CSMD1: variants seen among roughly 807,000 people sequenced by gnomAD.
CSMD1 encodes the protein CUB and Sushi multiple domains 1.
A neutral mutation model predicts 417.5 loss-of-function variants in CSMD1; 213 were observed. The observed-to-expected ratio is 0.51, with a 90% CI of 0.46 to 0.57. The LOEUF (loss-of-function observed/expected upper bound fraction) is 0.57. Ranked by LOEUF, CSMD1 falls within the 20% of genes least tolerant of loss-of-function variation. The pLI is 0.00. For synonymous variants in CSMD1, 2,862 were observed against 1,736.8 expected (o/e 1.65, Z -16.11); for missense variants, 6,923 against 4,529.7 (o/e 1.53, Z -15.17).
rs1018419309 is a variant in CSMD1 at position 3,930,170 on chromosome 8, A to G, written c.818+67733T>C. ...AAATAAGCTCTATTCCAGTGAGAAC[A>G]TCAGTTATACTTGCCGTATCTATTA... On this transcript the variant is annotated intron_variant, in intron 5 of 69. Coordinates refer to ENST00000635120, the MANE Select transcript of CSMD1 (RefSeq NM_033225.6). Among the ~76,000 whole-genome samples the G allele has an allele frequency of 2.7e-5, 4 of 150,234 alleles. 1 individual carries two copies. Among genetic ancestry groups the G allele is most frequent in the African/African-American group, 7.4e-5 (3 of 40,660 alleles).
intron 15 of CSMD1, among the ~76,000 whole-genome samples, chr8:3,403,754 C>A (rs143852905): frequency 6.6e-6 from 1 of 152,256 alleles, no homozygotes; most frequent in Non-Finnish European, 1.5e-5. Context: ...ATACGATTTG[C>A]ACCTGTGACT....
chr8:3,264,444 T>G (rs9650505), intron 26 of CSMD1, among the ~76,000 whole-genome samples: 102,139 of 151,986 alleles, frequency 0.67, 34,637 homozygotes, highest in Admixed American at 0.73. Flanking sequence ...AGGAGAATCT[T>G]ATTTCTGTCA....
chr8:4,506,748 T>G (rs929700175), intron 2 of CSMD1, among the ~76,000 whole-genome samples: 3 of 152,182 alleles, frequency 2.0e-5, no homozygotes, highest in Admixed American at 2.0e-4. Context: ...AGCTTATATA[T>G]GGTTAAATAA....
At chr8:4,388,562 G>A (rs148349362) in intron 3 of CSMD1, among the ~76,000 whole-genome samples, 53 of 150,526 alleles carry the variant, frequency 3.5e-4, no homozygotes, top group Non-Finnish European at 6.9e-4. Context: ...GGGAAGGGTG[G>A]GGGGGTGATG....
At chr8:4,346,587 GATTTC>G (rs1800790612) in intron 3 of CSMD1, among the ~76,000 whole-genome samples, 1 of 152,042 alleles carries the variant, frequency 6.6e-6, no homozygotes, top group African/African-American at 2.4e-5. Flanking sequence ...GTTCTTGACT[GATTTC>G]ATTTCAATCT....
At chr8:3,579,336 T>A (rs1403444660) in intron 9 of CSMD1, among the ~76,000 whole-genome samples, 2 of 124,514 alleles carry the variant, frequency 1.6e-5, no homozygotes, top group Non-Finnish European at 3.7e-5. Context: ...TTTATCTTAC[T>A]TAATAAAAGT....
At chr8:3,884,892 T>G (rs1040747485) in intron 5 of CSMD1, among the ~76,000 whole-genome samples, 1 of 149,766 alleles carries the variant, frequency 6.7e-6, no homozygotes, top group Non-Finnish European at 1.5e-5. Flanking sequence ...AATTATAACT[T>G]TTATATTAAA....
At chr8:3,608,221 G>A (rs1024172615) in intron 8 of CSMD1, among the ~76,000 whole-genome samples, 1 of 151,816 alleles carries the variant, frequency 6.6e-6, no homozygotes, top group African/African-American at 2.4e-5. Context: ...GACACTGAAG[G>A]TGGGCAGGTG....
At chr8:3,056,973 T>C (rs1369726990) in intron 49 of CSMD1, among the ~76,000 whole-genome samples, 1 of 152,122 alleles carries the variant, frequency 6.6e-6, no homozygotes, top group Non-Finnish European at 1.5e-5. Flanking sequence ...TGAGTTTATG[T>C]TCATGTTGGG....
At chr8:3,504,517 T>C (rs1796742450) in intron 10 of CSMD1, among the ~76,000 whole-genome samples, 2 of 152,196 alleles carry the variant, frequency 1.3e-5, no homozygotes, top group African/African-American at 4.8e-5. Context: ...CAACCCTTCA[T>C]AAAAACCTTG....
At chr8:4,196,279 T>G (rs1329272596) in intron 3 of CSMD1, among the ~76,000 whole-genome samples, 1 of 152,172 alleles carries the variant, frequency 6.6e-6, no homozygotes, top group Non-Finnish European at 1.5e-5. Flanking sequence ...TTGTGGTCAT[T>G]GAGTTTACAG....
At chr8:3,641,302 G>T (rs375919601) in intron 7 of CSMD1, among the ~76,000 whole-genome samples, 1 of 152,050 alleles carries the variant, frequency 6.6e-6, no homozygotes, top group Non-Finnish European at 1.5e-5. Flanking sequence ...TCCTGTGCAG[G>T]TGGAGAACGG....
chr8:3,834,286 A>G (rs566230529), intron 5 of CSMD1, among the ~76,000 whole-genome samples: 48 of 152,140 alleles, frequency 3.2e-4, no homozygotes, highest in African/African-American at 8.9e-4. Flanking sequence ...CTTCCAACTG[A>G]CATTCCATGA....
intron 1 of CSMD1, among the ~76,000 whole-genome samples, chr8:4,841,930 A>AAACAAAAC (rs1800864428): frequency 8.2e-6 from 1 of 122,426 alleles, no homozygotes; most frequent in Non-Finnish European, 1.7e-5. Flanking sequence ...AAAAAAAAAA[A>AAACAAAAC]AAAAAAAAGT....
chr8:3,445,479 A>C (rs1317037585), intron 12 of CSMD1, among the ~76,000 whole-genome samples: 1 of 152,194 alleles, frequency 6.6e-6, no homozygotes, highest in Non-Finnish European at 1.5e-5. Context: ...ACACAGCTCG[A>C]GCAGATGGAA....
intron 3 of CSMD1, among the ~76,000 whole-genome samples, chr8:4,301,216 G>C (rs958885937): frequency 2.0e-5 from 3 of 152,106 alleles, no homozygotes; most frequent in East Asian, 3.9e-4. Flanking sequence ...CTTTTGGCTA[G>C]TTTGTCAAAA....
At chr8:3,948,784 T>A (rs920135402) in intron 5 of CSMD1, among the ~76,000 whole-genome samples, 1 of 152,076 alleles carries the variant, frequency 6.6e-6, no homozygotes, top group Admixed American at 6.6e-5. Flanking sequence ...ACTATTACAA[T>A]CAAAAGCAGT....
intron 50 of CSMD1, among the ~76,000 whole-genome samples, chr8:3,051,489 G>A (rs1410315267): frequency 6.6e-6 from 1 of 152,116 alleles, no homozygotes; most frequent in Non-Finnish European, 1.5e-5. Flanking sequence ...ACTGTCTCTT[G>A]GGTACTATGG....
rs188381613 is a variant in CSMD1 at position 3,267,439 on chromosome 8, C to T, written c.4153+16705G>A. On this transcript the variant is annotated intron_variant, in intron 26 of 69. Transcript: ENST00000635120. Reference sequence around the variant, plus strand: ...ATAGATGATGGCAGTTGAGCAGTTGCGTGGTTGGTGGCCGTGCATGTACAC... The same window carrying T: ...ATAGATGATGGCAGTTGAGCAGTTGTGTGGTTGGTGGCCGTGCATGTACAC... Among the ~76,000 whole-genome samples the T allele has an allele frequency of 1.7e-3, 253 of 152,252 alleles. 1 individual carries two copies. Among genetic ancestry groups the T allele is most frequent in the Middle Eastern group, 3.4e-3 (1 of 294 alleles).
Sources: allele counts gnomAD v4.1 joint callset (sites outside exome capture counted in the v4.1 genomes callset), GRCh38; gene constraint gnomAD v4.1.1; transcripts MANE v1.5; gene names NCBI Gene and HGNC (gene_info 2026-07-23, HGNC 2026-07-21).